The following KCNU1 variants were observed in gnomAD, a reference collection of about 807,000 sequenced individuals.
KCNU1 encodes the protein potassium channel subfamily U member 1.
KCNU1 carries 93 observed loss-of-function variants against 126.8 expected under a neutral mutation model. That is an observed-to-expected ratio of 0.73 (90% CI 0.62 to 0.87). The LOEUF (loss-of-function observed/expected upper bound fraction) is 0.87, where lower values mean the gene tolerates loss of function less well. KCNU1 is among the 40% of genes least tolerant of loss of function. The pLI, the probability that KCNU1 is intolerant of heterozygous loss-of-function variation, is 0.00. For missense variants in KCNU1, 1,330 were observed against 1,367.1 expected, an observed-to-expected ratio of 0.97 and a Z score of 0.43; for synonymous variants, 523 against 494.2, an observed-to-expected ratio of 1.06 and a Z score of -0.77.
chr8:36,810,886 TAA>T (rs1167669882), intron 7 of KCNU1, among the ~76,000 whole-genome samples: 1 of 152,106 alleles, frequency 6.6e-6, no homozygotes, highest in African/African-American at 2.4e-5. Context: ...AAAATAAAAA[TAA>T]GATTTTAGAA....
intron 19 of KCNU1, among the ~76,000 whole-genome samples, chr8:36,871,855 A>G (rs927037085): frequency 1.3e-5 from 2 of 152,142 alleles, no homozygotes; most frequent in Admixed American, 1.3e-4. Flanking sequence ...GCATGCTTTT[A>G]TTCTTCATTT....
intron 10 of KCNU1, among the ~76,000 whole-genome samples, chr8:36,831,418 CTGT>C (rs1804542120): frequency 6.6e-6 from 1 of 152,026 alleles, no homozygotes. Flanking sequence ...TCTCCAGCAC[CTGT>C]TGTTTCCTGA....
At chr8:36,797,339 T>C (rs1177504091) in intron 2 of KCNU1, among the ~76,000 whole-genome samples, 1 of 152,168 alleles carries the variant, frequency 6.6e-6, no homozygotes, top group East Asian at 1.9e-4. Flanking sequence ...TTTTTTGGCA[T>C]CCTCTAATGT....
chr8:36,878,679 G>T (rs1185918151), intron 19 of KCNU1, among the ~76,000 whole-genome samples: 1 of 151,576 alleles, frequency 6.6e-6, no homozygotes, highest in Admixed American at 6.6e-5. Context: ...AACTCCAAAG[G>T]ATTTATTCCA....
At chr8:36,888,916 T>C (rs1450825141) in intron 19 of KCNU1, 8 of 404,142 alleles carry the variant, frequency 2.0e-5, no homozygotes, top group Non-Finnish European at 3.5e-5. Flanking sequence ...TCTCGCTCTG[T>C]CACCCAGGCT....
At chr8:36,910,186 A>G (rs1585550744) in intron 21 of KCNU1, among the ~76,000 whole-genome samples, 1 of 152,322 alleles carries the variant, frequency 6.6e-6, no homozygotes. Flanking sequence ...AAGCATTTTC[A>G]TAATGCTGGC....
At chr8:36,887,694 AACT>A (rs1160118016) in intron 19 of KCNU1, among the ~76,000 whole-genome samples, 1 of 152,134 alleles carries the variant, frequency 6.6e-6, no homozygotes, top group Non-Finnish European at 1.5e-5. Context: ...TGTGGTGGTG[AACT>A]ACAAATTGTT....
At chr8:36,813,871 T>TG (rs1447477262) in intron 7 of KCNU1, among the ~76,000 whole-genome samples, 1 of 152,148 alleles carries the variant, frequency 6.6e-6, no homozygotes, top group African/African-American at 2.4e-5. Context: ...CTGAGGCCTT[T>TG]GGAGTACCCT....
At chr8:36,830,243 A>C (rs901094486) in intron 10 of KCNU1, among the ~76,000 whole-genome samples, 17 of 151,590 alleles carry the variant, frequency 1.1e-4, no homozygotes, top group Non-Finnish European at 2.5e-4. Flanking sequence ...CTGAGACATC[A>C]AATATAACGT....
intron 10 of KCNU1, among the ~76,000 whole-genome samples, chr8:36,827,614 G>A (rs1804373690): frequency 1.3e-5 from 2 of 152,140 alleles, no homozygotes; most frequent in South Asian, 2.1e-4. Context: ...ATCTTCAGGA[G>A]GGAGTTGGCT....
Position 36,837,244 on chromosome 8 carries a change from G to C in KCNU1, c.1518+299G>C, listed in dbSNP as rs111666274. Reference sequence around the variant, plus strand: ...TTTAAATCAAAGTACATTCATCAAAGTAGAAGCATTGAGTTATCGAAAGTG... The same window carrying C: ...TTTAAATCAAAGTACATTCATCAAACTAGAAGCATTGAGTTATCGAAAGTG... On this transcript the variant is annotated intron_variant, in intron 14 of 26. Coordinates refer to ENST00000399881, the MANE Select transcript of KCNU1 (RefSeq NM_001031836.3). Among the ~76,000 whole-genome samples, 33 of 152,108 alleles carry C rather than the reference G, an allele frequency of 2.2e-4. 1 individual carries two copies. The highest frequency in any genetic ancestry group is 7.2e-4 in the African/African-American group (30 of 41,504).
chr8:36,905,939 A>G (rs961701785), intron 20 of KCNU1, 135 bp downstream of exon 20: 1 of 547,572 alleles, frequency 1.8e-6, no homozygotes, highest in Non-Finnish European at 3.2e-6. Flanking sequence ...AAAAACCCAC[A>G]TCCCTCACCA....
rs529886119 is a variant in KCNU1 at position 36,922,504 on chromosome 8, A to G, written c.2611A>G (p.Ile871Val). ...TTGCCTTGCAGAAAATCCTTCCAAC[A>G]TTCACTTTATTGAACAGCTTGGTGG... ...ILTELKNPSN[I>V]HFIEQLGGLE... Residue 871 changes from isoleucine (I) to valine (V), a missense_variant, in exon 24 of 27, where the codon ATT (isoleucine) becomes GTT (valine). Physicochemically the swap from Ile to Val is conservative, Grantham distance 29. This residue lies in a region of KCNU1 where 1,054 missense variants were observed against 1,053.9 expected (regional missense o/e 1.00). Coordinates refer to ENST00000399881, the MANE Select transcript of KCNU1 (RefSeq NM_001031836.3). 5 of 1,611,212 alleles carry G rather than the reference A, an allele frequency of 3.1e-6. No homozygotes were observed. The South Asian group carries it at 5.5e-5, about 18-fold the overall frequency.
At chr8:36,855,279 T>G (rs1451803645) in intron 18 of KCNU1, among the ~76,000 whole-genome samples, 1 of 152,156 alleles carries the variant, frequency 6.6e-6, no homozygotes, top group East Asian at 1.9e-4. Context: ...TTTCATTTGG[T>G]CTTCAATTTG....
At chr8:36,794,507 AT>A (rs1299405318) in intron 2 of KCNU1, among the ~76,000 whole-genome samples, 3 of 151,676 alleles carry the variant, frequency 2.0e-5, no homozygotes, top group Non-Finnish European at 2.9e-5. Flanking sequence ...ATTTATCTTA[AT>A]TTTCCTTTTC....
intron 9 of KCNU1, among the ~76,000 whole-genome samples, chr8:36,816,815 G>A (rs1803929850): frequency 6.6e-6 from 1 of 152,022 alleles, no homozygotes; most frequent in Non-Finnish European, 1.5e-5. Flanking sequence ...TCATGTTTTT[G>A]TAACTACTAG....
intron 23 of KCNU1, among the ~76,000 whole-genome samples, chr8:36,920,205 C>T (rs1356490043): frequency 6.6e-6 from 1 of 152,144 alleles, no homozygotes; most frequent in Non-Finnish European, 1.5e-5. Flanking sequence ...CCACTCCTCC[C>T]CTGGCTCTAC....
Position 36,800,918 on chromosome 8 carries a change from A to G in KCNU1, c.316-3109A>G, listed in dbSNP as rs185605440. Among the ~76,000 whole-genome samples, 3 of 152,324 alleles carry G rather than the reference A, an allele frequency of 2.0e-5. No homozygotes were observed. The East Asian group carries it at 5.8e-4, about 29-fold the overall frequency. On this transcript the variant is annotated intron_variant, in intron 2 of 26. Transcript: ENST00000399881. ...GAGTGTGCACCAATGTGCTTCAACA[A>G]AACAGGACTGAGTGTGCAGCAAGGT...
chr8:36,785,811 TTTTGTG>T (rs1802692703), intron 1 of KCNU1, among the ~76,000 whole-genome samples: 1 of 152,216 alleles, frequency 6.6e-6, no homozygotes, highest in East Asian at 1.9e-4. Flanking sequence ...ATTATGTTCA[TTTTGTG>T]TGATTACAAA....
Sources: gnomAD v4.1 joint callset for allele counts (sites outside exome capture counted in the v4.1 genomes callset) on GRCh38, gnomAD v4.1.1 for gene constraint, gnomAD v4.1.1 regional missense constraint, MANE v1.5 for transcripts, NCBI Gene and HGNC (gene_info 2026-07-23, HGNC 2026-07-21) for gene names.